Variants in GRM4 observed in about 807,000 individuals in gnomAD.
The protein encoded by GRM4 is metabotropic glutamate receptor 4.
Under a neutral mutation model 81.7 loss-of-function variants are expected in GRM4, and 28 were observed. The observed-to-expected ratio is 0.34, with a 90% confidence interval of 0.25 to 0.47. The LOEUF (loss-of-function observed/expected upper bound fraction) is 0.47, where lower values mean the gene tolerates loss of function less well. GRM4 is among the 20% of genes least tolerant of loss of function. The probability of loss-of-function intolerance (pLI) is 1.00; values close to 1 mark genes in which losing one functional copy is unlikely to be tolerated. For missense variants in GRM4, 948 were observed against 1,290.0 expected, an observed-to-expected ratio of 0.73 and a Z score of 4.06; for synonymous variants, 488 against 528.8, an observed-to-expected ratio of 0.92 and a Z score of 1.06.
intron 1 of GRM4, among the ~76,000 whole-genome samples, chr6:34,154,781 G>A (rs1167914442): frequency 1.3e-5 from 2 of 152,184 alleles, no homozygotes; most frequent in Non-Finnish European, 2.9e-5. Flanking sequence ...CCCTTGCGCC[G>A]GCCTCCTCAG....
rs1462568113 is a variant in GRM4 at position 34,074,085 on chromosome 6, G to A, written c.737-12057C>T. On this transcript the variant is annotated intron_variant, in intron 3 of 10. Transcript: ENST00000538487. The surrounding 1 kb of genome is among the most constrained non-coding windows in gnomAD (Gnocchi z 4.9). ...TCCATTCCTGCCCATCCCTTCCCCT[G>A]CCAGGAGAACGGGGCTGGATCTCGA... Among the ~76,000 whole-genome samples the A allele has an allele frequency of 6.6e-6, 1 of 152,172 alleles. No homozygotes were observed. The highest frequency in any genetic ancestry group is 1.5e-5 in the Non-Finnish European group (1 of 68,028).
chr6:34,138,743 C>T lies in GRM4; in HGVS notation c.-363-4884G>A, dbSNP rs546764775. Among the ~76,000 whole-genome samples, 20 of 152,346 alleles carry T rather than the reference C, an allele frequency of 1.3e-4. No individual in the cohort carries two copies. The South Asian group carries it at 2.1e-3, about 16-fold the overall frequency. On this transcript the variant is annotated intron_variant, in intron 1 of 10. Coordinates refer to ENST00000538487, the MANE Select transcript of GRM4 (RefSeq NM_000841.4). The stretch of plus-strand genomic sequence containing the variant: ...CTTCAAATCCTCGCAGCACAGCCCT[C>T]CTCGTGCTGACCTCTGCAGCCCAGT...
At chr6:34,028,499 G>A in intron 9 of GRM4, 133 bp from the exon 10 acceptor site, 2 of 912,938 alleles carry the variant, frequency 2.2e-6, no homozygotes, top group South Asian at 1.6e-5. Context: ...CTTGGAGCTG[G>A]GACTGCAGAC....
Position 34,110,759 on chromosome 6 carries a change from G to A in GRM4, c.520-18660C>T, listed in dbSNP as rs1306877471. On this transcript the variant is annotated intron_variant, in intron 2 of 10. Transcript: ENST00000538487. ...CACCTGCAGCCCGTGAGTCCCCAGG[G>A]CATCAGAGATCAAAGTGGTGCCCCT... is the stretch of plus-strand genomic sequence containing the variant. 4.1e-6 allele frequency: 6 copies of A among 1,471,838 alleles called. No homozygotes were observed. In the African/African-American group the frequency reaches 7.1e-5, roughly 17 times the overall value. 91.2% of individuals were successfully genotyped at this position (1,471,838 alleles called of 1,614,324 possible).
chr6:34,132,954 CAG>C lies in GRM4; in HGVS notation c.519+22_519+23del, dbSNP rs778937414. The C allele has an allele frequency of 3.2e-6, 5 of 1,562,444 alleles. No homozygotes were observed. In the Admixed American group the frequency reaches 7.2e-5, roughly 22 times the overall value. On this transcript the variant is annotated intron_variant, in intron 2 of 10. Transcript: ENST00000538487. ...AGAGTCCGTTGGGGGAAGAGCACCT[CAG>C]GGGACCAACCAAGGCACTGACCTTG...
In GRM4 at chr6:34,136,961, C is replaced by T. The variant is rs1191222540; in HGVS notation, c.-363-3102G>A. On this transcript the variant is annotated intron_variant, in intron 1 of 10. Transcript: ENST00000538487. This position sits in a 1 kb window ranked among gnomAD's most constrained non-coding sequence, Gnocchi z 4.1. ...GGGGTGGGTTGGGGTGGGGGCCAGG[C>T]GGATGCTCCCTTCCCCCGCAGGGCC... 2.6e-5 allele frequency among the ~76,000 whole-genome samples: 4 copies of T among 152,090 alleles called. No homozygotes were observed. Among genetic ancestry groups the T allele is most frequent in the Non-Finnish European group, 1.5e-5 (1 of 67,964 alleles).
chr6:34,091,719 A>C, intron 3 of GRM4, 164 bp downstream of exon 3: 1 of 610,138 alleles, frequency 1.6e-6, no homozygotes, highest in Non-Finnish European at 2.9e-6. Flanking sequence ...CAGTGAGGCC[A>C]TGGACCAAAC....
intron 2 of GRM4, among the ~76,000 whole-genome samples, chr6:34,093,104 C>T (rs930987390): frequency 2.0e-5 from 3 of 152,196 alleles, no homozygotes; most frequent in African/African-American, 4.8e-5. Context: ...TCCAGGCTGG[C>T]GTCGAAACTA....
At chr6:34,100,887 C>T (rs959748403) in intron 2 of GRM4, among the ~76,000 whole-genome samples, 1 of 152,202 alleles carries the variant, frequency 6.6e-6, no homozygotes, top group African/African-American at 2.4e-5. Flanking sequence ...ACTGTTCCAG[C>T]CCAGCCCGGG....
intron 5 of GRM4, among the ~76,000 whole-genome samples, chr6:34,057,804 T>C (rs1393965467): frequency 1.3e-5 from 2 of 152,188 alleles, no homozygotes; most frequent in African/African-American, 4.8e-5. Flanking sequence ...TGTGTATCCA[T>C]CTACTAAATG....
At position 34,048,305 on chromosome 6, in the gene GRM4, C is replaced by A. The variant is rs1288670774; in HGVS notation, c.1169-7557G>T. ...CAGGCCCCTCGTCTGTGAAGTAAAG[C>A]TGGCACCTGGGACTAGGCAAGGAGA... On this transcript the variant is annotated intron_variant, in intron 6 of 10. Transcript: ENST00000538487. This position sits in a 1 kb window ranked among gnomAD's most constrained non-coding sequence, Gnocchi z 4.0. Among the ~76,000 whole-genome samples the A allele has an allele frequency of 1.3e-5, 2 of 152,180 alleles. No homozygotes were observed. The highest frequency in any genetic ancestry group is 2.9e-5 in the Non-Finnish European group (2 of 68,028).
chr6:34,052,947 G>A (rs1012533375), intron 6 of GRM4, among the ~76,000 whole-genome samples: 2 of 152,168 alleles, frequency 1.3e-5, no homozygotes, highest in African/African-American at 2.4e-5. Flanking sequence ...TCTTTCCTCC[G>A]GGATTTTACA....
intron 6 of GRM4, 140 bp from the exon 7 acceptor site, chr6:34,040,888 C>T: frequency 1.5e-6 from 1 of 682,106 alleles, no homozygotes. Flanking sequence ...TGACTCCCAG[C>T]CCAGTGCTCT....
intron 1 of GRM4, among the ~76,000 whole-genome samples, chr6:34,143,449 G>A (rs1770787110): frequency 6.6e-6 from 1 of 152,182 alleles, no homozygotes; most frequent in Non-Finnish European, 1.5e-5. Context: ...CTGCCAAGAA[G>A]AGGTGACGAG....
chr6:34,075,784 C>T (rs1050227982), intron 3 of GRM4, among the ~76,000 whole-genome samples: 6 of 152,210 alleles, frequency 3.9e-5, no homozygotes, highest in Non-Finnish European at 7.3e-5. Flanking sequence ...TATTATTATA[C>T]TCTTATTGTT....
rs750227583 is a variant in GRM4, at chr6:34,036,450, G to A, written c.1660C>T (p.Arg554Cys). The A allele has an allele frequency of 1.1e-5, 18 of 1,613,398 alleles. No homozygotes were observed. Among genetic ancestry groups the A allele is most frequent in the Admixed American group, 1.0e-4 (6 of 59,998 alleles). The change falls in exon 9 of 11, where the codon CGC (arginine) becomes TGC (cysteine). Residue 554 changes from arginine to cysteine, a missense_variant. Transcript: ENST00000538487. This position sits in a 1 kb window ranked among gnomAD's most constrained non-coding sequence, Gnocchi z 9.0. ...TAGGGACACGTCTTACAGGTGTAGC[G>A]GTCCACCTGGTACTGGTACCCTGTG... ...PCTGYQYQVD[R>C]YTCKTCPYDM...
intron 5 of GRM4, among the ~76,000 whole-genome samples, chr6:34,058,637 C>G (rs964297238): frequency 6.6e-6 from 1 of 152,174 alleles, no homozygotes; most frequent in African/African-American, 2.4e-5. Flanking sequence ...TGGGGCCTGT[C>G]AACCCCAGGC....
rs576879338 is a variant in GRM4 at position 34,108,930 on chromosome 6, T to G, written c.520-16831A>C. 2.5e-4 allele frequency among the ~76,000 whole-genome samples: 38 copies of G among 152,280 alleles called. 1 individual carries two copies. Among genetic ancestry groups the G allele is most frequent in the Non-Finnish European group, 4.4e-5 (3 of 68,016 alleles). On this transcript the variant is annotated intron_variant, in intron 2 of 10. Transcript: ENST00000538487. ...AGTGCCTGCAACCCTCACTCAGGTC[T>G]ATTCCAGGGGACCCACCTGTGATAG...
intron 3 of GRM4, among the ~76,000 whole-genome samples, chr6:34,083,653 G>A (rs895849413): frequency 6.6e-5 from 10 of 152,308 alleles, no homozygotes; most frequent in African/African-American, 1.7e-4. Flanking sequence ...CTGCGTCCTG[G>A]GAAAACACAA....
Sources: gnomAD v4.1 joint callset for allele counts (sites outside exome capture counted in the v4.1 genomes callset) on GRCh38, gnomAD v4.1.1 for gene constraint, Gnocchi (gnomAD v3.1) non-coding constraint, MANE v1.5 for transcripts, NCBI Gene and HGNC (gene_info 2026-07-23, HGNC 2026-07-21) for gene names.